Variants in MKI67 observed in about 807,000 individuals in gnomAD.
MKI67 encodes the protein marker of proliferation Ki-67, also known as proliferation marker protein Ki-67.
In MKI67, 152 loss-of-function variants were observed where a neutral mutation model predicts 233.5. The ratio of observed to expected loss-of-function variants is 0.65; its 90% CI spans 0.57 to 0.74. MKI67 has a LOEUF of 0.74. Among genes scored for constraint, MKI67 ranks in the 30% least tolerant of loss-of-function variants. The pLI, the probability that MKI67 is intolerant of heterozygous loss-of-function variation, is 0.00. For missense variants in MKI67, 3,940 were observed against 3,885.2 expected, an observed-to-expected ratio of 1.01 and a Z score of -0.37; for synonymous variants, 1,465 against 1,418.5, an observed-to-expected ratio of 1.03 and a Z score of -0.74.
Position 128,104,062 on chromosome 10 carries a change from A to C in MKI67, c.7778T>G (p.Leu2593Arg). ...CTTTGTGCTCGTGGCAGTGTCTGTT[A>C]GTTCTGGTGGGGGAGATTTGCAGGG... Reference protein sequence around the residue: ...KIPCKSPPPELTDTATSTKRC... With the variant: ...KIPCKSPPPERTDTATSTKRC... Residue 2593 changes from leucine (L) to arginine (R), a missense_variant, in exon 13 of 15, where the codon CTA becomes CGA. By Grantham distance (102) the Leu-to-Arg change is moderately radical. Transcript: ENST00000368654. 6.2e-6 allele frequency: 10 copies of C among 1,613,774 alleles called. No individual in the cohort carries two copies. Among genetic ancestry groups the C allele is most frequent in the Non-Finnish European group, 8.5e-6 (10 of 1,179,958 alleles).
Position 128,115,747 on chromosome 10 carries a change from C to A in MKI67, c.661G>T (p.Val221Phe). 1 of 1,613,590 alleles carries A rather than the reference C, an allele frequency of 6.2e-7. No individual in the cohort carries two copies. The highest frequency in any genetic ancestry group is 8.5e-7 in the Non-Finnish European group (1 of 1,180,038). ...LVSRYGELKS[V>F]PTTQCLDNSK... ...TTGTCAAGACATTGTGTAGTGGGAA[C>A]AGACTTCAATTCTCCATAACGGCTC... Residue 221 changes from valine to phenylalanine, a missense_variant, in exon 7 of 15, where the codon GTT (valine) becomes TTT (phenylalanine). By Grantham distance (50) the Val-to-Phe change is conservative (BLOSUM62 -1). Coordinates refer to ENST00000368654, the MANE Select transcript of MKI67 (RefSeq NM_002417.5).
intron 4 of MKI67, among the ~76,000 whole-genome samples, chr10:128,121,094 A>C (rs1473232452): frequency 6.6e-6 from 1 of 151,968 alleles, no homozygotes; most frequent in Middle Eastern, 3.2e-3. Flanking sequence ...GCAGAAAAGA[A>C]AGCACTACTA....
chr10:128,100,541 T>G (rs1819343106), intron 14 of MKI67, among the ~76,000 whole-genome samples: 1 of 152,212 alleles, frequency 6.6e-6, no homozygotes, highest in African/African-American at 2.4e-5. Flanking sequence ...TAAATTTATA[T>G]TATATTTTTG....
intron 14 of MKI67, among the ~76,000 whole-genome samples, chr10:128,099,543 C>T (rs574973977): frequency 7.9e-4 from 120 of 152,296 alleles, no homozygotes; most frequent in African/African-American, 2.7e-3. Context: ...ATTTCTTCAT[C>T]GATGCACACA....
In MKI67 at chr10:128,107,746, G is replaced by T; in HGVS notation, c.4094C>A (p.Ala1365Asp). 6.2e-7 allele frequency: 1 copy of T among 1,613,622 alleles called. No individual in the cohort carries two copies. Among genetic ancestry groups the T allele is most frequent in the Non-Finnish European group, 8.5e-7 (1 of 1,179,932 alleles). Residue 1365 changes from alanine (A) to aspartate (D), a missense_variant, in exon 13 of 15, where the codon GCT (alanine) becomes GAT (aspartate). By Grantham distance (126) the Ala-to-Asp change is moderately radical. Transcript: ENST00000368654. ...GCAGGGCATTTTAGTAGTTTTGCCA[G>T]CAGCCACTGCTTCTTCAGTATGACC... ...TPGHTEEAVAAGKTTKMPCES... is the reference protein window; with the variant it reads ...TPGHTEEAVADGKTTKMPCES...
Position 128,110,433 on chromosome 10 carries a change from C to T in MKI67, c.2361G>A (p.Gln787=), listed in dbSNP as rs1405163836. 2 of 1,589,266 alleles carry T rather than the reference C, an allele frequency of 1.3e-6. No homozygotes were observed. ...ISNSENLLGK[Q]FQGTDSGEEP... The stretch of plus-strand genomic sequence containing the variant: ...CTTCTCCTGAATCAGTTCCTTGAAA[C>T]TGTTTTCCAAGCAAATTCTCTGAAT... The change falls in exon 12 of 15, where the codon CAG becomes CAA. Residue 787 remains glutamine (Q), a synonymous_variant. Transcript: ENST00000368654.
chr10:128,107,400 A>G lies in MKI67; in HGVS notation c.4440T>C (p.Thr1480=). The change falls in exon 13 of 15, where the codon ACT becomes ACC. Residue 1480 remains threonine (T), a synonymous_variant. Coordinates refer to ENST00000368654, the MANE Select transcript of MKI67 (RefSeq NM_002417.5). ...LKELFQTPVC[T]DKPTTHEKTT... ...TTTTCTCGTGAGTCGTGGGCTTGTC[A>G]GTGCATACTGGTGTCTGGAAGAGCT... 1 of 1,613,294 alleles carries G rather than the reference A, an allele frequency of 6.2e-7. No individual in the cohort carries two copies. Among genetic ancestry groups the G allele is most frequent in the Non-Finnish European group, 8.5e-7 (1 of 1,179,868 alleles).
intron 13 of MKI67, 64 bp from the exon 14 acceptor site, chr10:128,101,765 C>A: frequency 7.9e-7 from 1 of 1,265,554 alleles, no homozygotes; most frequent in Non-Finnish European, 1.1e-6. Flanking sequence ...CAAAATTCAA[C>A]AGGGAGCACA....
rs776456493 is a variant in MKI67, at chr10:128,106,357, G to A, written c.5483C>T (p.Ala1828Val). 3.3e-5 allele frequency: 53 copies of A among 1,613,694 alleles called. No homozygotes were observed. The highest frequency in any genetic ancestry group is 4.2e-5 in the Non-Finnish European group (49 of 1,179,980). The change falls in exon 13 of 15, where the codon GCT becomes GTT. Residue 1828 changes from alanine (A) to valine (V), a missense_variant. By Grantham distance (64) the Ala-to-Val change is moderately conservative. Transcript: ENST00000368654. ...TCTGAAGCCAGTCAGTTCTTCTAGA[G>A]CCTGGGCCTTTTCCTTACGAGTTTG... The part of the protein sequence containing the change: ...RLQTRKEKAQ[A>V]LEELTGFREL...
In MKI67 at chr10:128,103,128, C is replaced by T; in HGVS notation, c.8712G>A (p.Gln2904=). 2 of 1,614,196 alleles carry T rather than the reference C, an allele frequency of 1.2e-6. No homozygotes were observed. Among genetic ancestry groups the T allele is most frequent in the Non-Finnish European group, 1.7e-6 (2 of 1,180,034 alleles). The part of the protein sequence containing the change: ...DAEDVIGSRR[Q]PRAPKEKAQP... ...GGGCCTTTTCCTTAGGTGCTCTTGG[C>T]TGTCTCCTGCTGCCAATTACATCTT... Residue 2904 remains glutamine (Q), a synonymous_variant, in exon 13 of 15, where the codon CAG becomes CAA. Coordinates refer to ENST00000368654, the MANE Select transcript of MKI67 (RefSeq NM_002417.5).
In MKI67 at chr10:128,112,019, TTAC is replaced by T. The variant is rs779171040; in HGVS notation, c.1993_1995del (p.Val665del). ...GTTTGTGTTTGTTTTGCACCAAGTT[TTAC>T]TACATCTGCCCATGATTTTGCAACT... On this transcript the variant is annotated inframe_deletion, in exon 10 of 15. Coordinates refer to ENST00000368654, the MANE Select transcript of MKI67 (RefSeq NM_002417.5). 6.2e-7 allele frequency: 1 copy of T among 1,613,210 alleles called. No homozygotes were observed. Among genetic ancestry groups the T allele is most frequent in the South Asian group, 1.1e-5 (1 of 90,692 alleles).
At chr10:128,099,741 A>G (rs1852294121) in intron 14 of MKI67, among the ~76,000 whole-genome samples, 1 of 152,166 alleles carries the variant, frequency 6.6e-6, no homozygotes, top group African/African-American at 2.4e-5. Context: ...CATGGTGAAA[A>G]GCATGGCTAC....
chr10:128,111,843 A>G, intron 10 of MKI67, 27 bp from the exon 11 acceptor site: 1 of 1,610,812 alleles, frequency 6.2e-7, no homozygotes, highest in Non-Finnish European at 8.5e-7. Flanking sequence ...GGAGGTAAAC[A>G]GGACATTAAA....
At chr10:128,109,445 T>TA in intron 12 of MKI67, 22 bp from the exon 13 acceptor site, 1 of 1,590,170 alleles carries the variant, frequency 6.3e-7, no homozygotes, top group South Asian at 1.1e-5. Flanking sequence ...ACATACACAA[T>TA]AAAAACATTC....
chr10:128,105,704 C>G lies in MKI67; in HGVS notation c.6136G>C (p.Ala2046Pro), dbSNP rs1852470189. Residue 2046 changes from alanine to proline, a missense_variant, in exon 13 of 15, where the codon GCA (alanine) becomes CCA (proline). Ala to Pro is a conservative substitution (Grantham distance 27, BLOSUM62 -1). Coordinates refer to ENST00000368654, the MANE Select transcript of MKI67 (RefSeq NM_002417.5). ...TTTGCTGGGTCCAGCATCTGCTTTG[C>G]AGATTCCTTAAACGCTTTGATGCTC... ...GKSIKAFKESAKQMLDPANYG... is the reference protein window; with the variant it reads ...GKSIKAFKESPKQMLDPANYG... 2 of 1,614,020 alleles carry G rather than the reference C, an allele frequency of 1.2e-6. No homozygotes were observed. The highest frequency in any genetic ancestry group is 1.7e-5 in the Admixed American group (1 of 59,998).
In MKI67 at chr10:128,105,455, C is replaced by G. The variant is rs370653168; in HGVS notation, c.6385G>C (p.Asp2129His). ...AGGGCTGAGAGCTCTTCCACTATAT[C>G]CCTTTTCCCCAAAGGTGTTTTGGGC... ...RRPKTPLGKR[D>H]IVEELSALKQ... The change falls in exon 13 of 15, where the codon GAT (aspartate) becomes CAT (histidine). Residue 2129 changes from aspartate (D) to histidine (H), a missense_variant. Physicochemically the swap from Asp to His is moderately conservative, Grantham distance 81. Coordinates refer to ENST00000368654, the MANE Select transcript of MKI67 (RefSeq NM_002417.5). The G allele has an allele frequency of 5.6e-6, 9 of 1,613,964 alleles. No homozygotes were observed. The highest frequency in any genetic ancestry group is 6.8e-6 in the Non-Finnish European group (8 of 1,180,032).
Position 128,115,778 on chromosome 10 carries a change from T to C in MKI67, c.630A>G (p.Lys210=), listed in dbSNP as rs1262915554. The C allele has an allele frequency of 6.2e-7, 1 of 1,612,702 alleles. No individual in the cohort carries two copies. The highest frequency in any genetic ancestry group is 1.3e-5 in the African/African-American group (1 of 74,926). ...TCAATTCTCCATAACGGCTCACTAA[T>C]TTAACGCTGGAAATTTCTTTAAAAT... ...SGDFKEISSV[K]LVSRYGELKS... The change falls in exon 7 of 15, where the codon AAA becomes AAG. Residue 210 remains lysine, a synonymous_variant. Coordinates refer to ENST00000368654, the MANE Select transcript of MKI67 (RefSeq NM_002417.5).
chr10:128,101,685 G>C lies in MKI67; in HGVS notation c.9278C>G (p.Ser3093Cys). ...TGCCTCAGTCTTATTTTGGCGTCTG[G>C]AGCGCAGGGATATTCCCTAAAGAAA... Reference protein sequence around the residue: ...VPENKGISLRSRRQNKTEAEQ... With the variant: ...VPENKGISLRCRRQNKTEAEQ... The change falls in exon 14 of 15, where the codon TCC (serine) becomes TGC (cysteine). Residue 3093 changes from serine (S) to cysteine (C), a missense_variant. By Grantham distance (112) the Ser-to-Cys change is moderately radical. Transcript: ENST00000368654. 1 of 1,596,734 alleles carries C rather than the reference G, an allele frequency of 6.3e-7. No individual in the cohort carries two copies. The highest frequency in any genetic ancestry group is 8.5e-7 in the Non-Finnish European group (1 of 1,173,576).
In MKI67 at chr10:128,098,236, G is replaced by A. The variant is rs1852254692; in HGVS notation, c.*954C>T. The A allele has an allele frequency of 6.6e-6, 1 of 152,364 alleles. No individual in the cohort carries two copies. Among genetic ancestry groups the A allele is most frequent in the Admixed American group, 6.5e-5 (1 of 15,290 alleles). 9.4% of individuals were successfully genotyped at this position (152,364 alleles called of 1,614,324 possible). A position where few individuals can be genotyped will look rare whatever the true frequency, so the allele number is the denominator to read the frequency against. On this transcript the variant is annotated 3_prime_UTR_variant, in exon 15 of 15. Transcript: ENST00000368654. Reference sequence around the variant, plus strand: ...GATTTCGGAGGCAGCGGCTCACAAGGAAGCGATCCTGAAATCGTGGCTGAA... The same window carrying A: ...GATTTCGGAGGCAGCGGCTCACAAGAAAGCGATCCTGAAATCGTGGCTGAA...
Sources: allele counts gnomAD v4.1 joint callset (sites outside exome capture counted in the v4.1 genomes callset), GRCh38; gene constraint gnomAD v4.1.1; transcripts MANE v1.5; gene names NCBI Gene and HGNC (gene_info 2026-07-23, HGNC 2026-07-21).